ROBO1: variants seen among roughly 807,000 people sequenced by gnomAD.
The protein encoded by ROBO1 is roundabout homolog 1.
In ROBO1, 149 loss-of-function variants were observed where a neutral mutation model predicts 195.9. That is an observed-to-expected ratio of 0.76 (90% CI 0.67 to 0.87). The LOEUF is 0.87. ROBO1 is among the 40% of genes least tolerant of loss of function. The pLI is 0.00. For missense variants in ROBO1, 1,933 were observed against 2,068.3 expected, an observed-to-expected ratio of 0.93 and a Z score of 1.27; for synonymous variants, 816 against 733.2, an observed-to-expected ratio of 1.11 and a Z score of -1.82.
intron 8 of ROBO1, among the ~76,000 whole-genome samples, chr3:78,690,224 T>C (rs577355686): frequency 4.6e-5 from 7 of 151,560 alleles, no homozygotes; most frequent in East Asian, 3.9e-4. Context: ...GGGGGCAAAA[T>C]TGAAGAAAGT....
chr3:78,979,420 A>G (rs1417280321), intron 3 of ROBO1, among the ~76,000 whole-genome samples: 1 of 152,236 alleles, frequency 6.6e-6, no homozygotes, highest in Non-Finnish European at 1.5e-5. Context: ...AGGTGCTGAA[A>G]GCAATGGACT....
chr3:78,986,783 G>A (rs1268609618), intron 3 of ROBO1, among the ~76,000 whole-genome samples: 2 of 151,954 alleles, frequency 1.3e-5, no homozygotes, highest in African/African-American at 4.8e-5. Context: ...GGTTGACGGG[G>A]GAAAAAAGCT....
chr3:79,221,968 A>G (rs999629817), intron 2 of ROBO1, among the ~76,000 whole-genome samples: 5 of 152,160 alleles, frequency 3.3e-5, no homozygotes, highest in Admixed American at 6.6e-5. Context: ...TATGGTAAAA[A>G]TATCTTTCTT....
At chr3:79,504,363 T>G (rs1460213411) in intron 2 of ROBO1, among the ~76,000 whole-genome samples, 3 of 152,086 alleles carry the variant, frequency 2.0e-5, no homozygotes, top group Admixed American at 1.3e-4. Context: ...ATATTCATAT[T>G]TTTGTTAGAA....
chr3:79,666,035 A>C (rs2106865072), intron 1 of ROBO1, among the ~76,000 whole-genome samples: 1 of 152,044 alleles, frequency 6.6e-6, no homozygotes, highest in Admixed American at 6.6e-5. Context: ...ATCTAAAATA[A>C]AAAACATTAA....
At chr3:79,020,972 A>T (rs1220065122) in intron 3 of ROBO1, among the ~76,000 whole-genome samples, 1 of 152,146 alleles carries the variant, frequency 6.6e-6, no homozygotes, top group African/African-American at 2.4e-5. Context: ...TACCTAATGG[A>T]AGATAAAAAT....
At chr3:79,712,352 A>T (rs1379623425) in intron 1 of ROBO1, among the ~76,000 whole-genome samples, 1 of 152,156 alleles carries the variant, frequency 6.6e-6, no homozygotes. Context: ...CTTATTGCTG[A>T]TATGGAAAAA....
intron 2 of ROBO1, among the ~76,000 whole-genome samples, chr3:79,300,550 A>AC (rs918241397): frequency 4.9e-4 from 74 of 152,106 alleles, no homozygotes; most frequent in African/African-American, 1.5e-3. Context: ...CTGAGCGCTG[A>AC]CCCCCGCTCC....
chr3:79,074,139 C>G (rs1182688653), intron 3 of ROBO1, among the ~76,000 whole-genome samples: 1 of 151,048 alleles, frequency 6.6e-6, no homozygotes, highest in East Asian at 2.0e-4. Flanking sequence ...TCTTGGGATC[C>G]CTTTCAGATT....
chr3:79,040,921 G>A (rs1466164177), intron 3 of ROBO1, among the ~76,000 whole-genome samples: 1 of 152,074 alleles, frequency 6.6e-6, no homozygotes, highest in Admixed American at 6.6e-5. Context: ...ACTCTTCACA[G>A]TCTGACTCTT....
intron 2 of ROBO1, among the ~76,000 whole-genome samples, chr3:79,378,789 C>T (rs2036470332): frequency 6.6e-6 from 1 of 152,202 alleles, no homozygotes; most frequent in African/African-American, 2.4e-5. Context: ...ACTTTTGCAT[C>T]TCCCACATCA....
chr3:79,259,982 T>G (rs2082909273), intron 2 of ROBO1, among the ~76,000 whole-genome samples: 1 of 151,992 alleles, frequency 6.6e-6, no homozygotes, highest in Admixed American at 6.6e-5. Flanking sequence ...TTTCCCTCCC[T>G]TCACCAGTTT....
intron 2 of ROBO1, among the ~76,000 whole-genome samples, chr3:79,371,630 G>A (rs142619580): frequency 4.7e-4 from 71 of 152,264 alleles, no homozygotes; most frequent in Admixed American, 1.8e-3. Context: ...ATAAAGTGCG[G>A]AGGGTAATAT....
chr3:79,484,455 T>G (rs1939040511), intron 2 of ROBO1, among the ~76,000 whole-genome samples: 1 of 152,170 alleles, frequency 6.6e-6, no homozygotes, highest in Admixed American at 6.5e-5. Flanking sequence ...TAACAAAGCT[T>G]ACTTATTAAA....
At chr3:79,464,784 T>A (rs2107283363) in intron 2 of ROBO1, among the ~76,000 whole-genome samples, 1 of 152,312 alleles carries the variant, frequency 6.6e-6, no homozygotes, top group African/African-American at 2.4e-5. Flanking sequence ...GTGCTATGGC[T>A]TTTGAAGAAA....
At chr3:79,692,895 CCAAA>C (rs942893430) in intron 1 of ROBO1, among the ~76,000 whole-genome samples, 79 of 151,594 alleles carry the variant, frequency 5.2e-4, no homozygotes, top group African/African-American at 1.8e-3. Context: ...GGATCCAAGC[CCAAA>C]CACAGAATTC....
intron 4 of ROBO1, among the ~76,000 whole-genome samples, chr3:78,872,862 G>C (rs995049363): frequency 3.9e-5 from 6 of 152,098 alleles, no homozygotes; most frequent in Admixed American, 3.3e-4. Context: ...TCTCACTTCA[G>C]AAATCTTAAG....
At chr3:79,164,044 A>C (rs886558916) in intron 2 of ROBO1, among the ~76,000 whole-genome samples, 1 of 152,144 alleles carries the variant, frequency 6.6e-6, no homozygotes, top group African/African-American at 2.4e-5. Flanking sequence ...GAATTGTTTT[A>C]TAAGGGGAGA....
intron 2 of ROBO1, among the ~76,000 whole-genome samples, chr3:79,285,433 A>C (rs188889550): frequency 6.6e-5 from 10 of 152,328 alleles, no homozygotes; most frequent in African/African-American, 2.2e-4. Flanking sequence ...GAAACCCAGA[A>C]TACTAGTGTC....
Sources: allele counts gnomAD v4.1 joint callset (sites outside exome capture counted in the v4.1 genomes callset), GRCh38; gene constraint gnomAD v4.1.1; transcripts MANE v1.5; gene names NCBI Gene and HGNC (gene_info 2026-07-23, HGNC 2026-07-21).